Variants in OR11A1 observed in about 807,000 individuals in gnomAD.
The protein encoded by OR11A1 is olfactory receptor 11A1.
For synonymous variants in OR11A1, 158 were observed against 152.2 expected (o/e 1.04, Z -0.28); for missense variants, 380 against 378.2 (o/e 1.00, Z -0.04).
At chr6:29,440,205 A>G (rs1412672794) in intron 1 of OR11A1, 1 of 1,612,990 alleles carries the variant, frequency 6.2e-7, no homozygotes, top group African/African-American at 1.3e-5. Context: ...CTTCCTGCGC[A>G]CCCTCTCGGC....
At chr6:29,441,452 G>A (rs1386541210) in intron 1 of OR11A1, among the ~76,000 whole-genome samples, 1 of 152,158 alleles carries the variant, frequency 6.6e-6, no homozygotes, top group Admixed American at 6.5e-5. Context: ...TTTCAATGAA[G>A]GTAAGTTCTT....
intron 1 of OR11A1, among the ~76,000 whole-genome samples, chr6:29,451,629 A>G (rs1279509685): frequency 6.6e-6 from 1 of 152,060 alleles, no homozygotes; most frequent in Non-Finnish European, 1.5e-5. Flanking sequence ...AGTGAAAACC[A>G]CAGTGAGATA....
At chr6:29,440,276 C>G in intron 1 of OR11A1, 1 of 1,614,026 alleles carries the variant, frequency 6.2e-7, no homozygotes. Context: ...TCCTTACTGG[C>G]CGGCGCCACA....
At chr6:29,449,605 C>A (rs1785125070) in intron 1 of OR11A1, among the ~76,000 whole-genome samples, 1 of 152,128 alleles carries the variant, frequency 6.6e-6, no homozygotes, top group African/African-American at 2.4e-5. Context: ...CCTTCGAATA[C>A]ACCCACCCAC....
chr6:29,433,956 AT>A lies in OR11A1; in HGVS notation c.-388-1970del, dbSNP rs1270813896. The stretch of plus-strand genomic sequence containing the variant: ...GCATTTTTTCTTGTACCTGTTTGTC[AT>A]TTGTACGTCTTCTTTTGAGAAATGT... On this transcript the variant is annotated intron_variant, in intron 1 of 4. Coordinates refer to ENST00000377149, the MANE Select transcript of OR11A1 (RefSeq NM_001394828.1). Among the ~76,000 whole-genome samples the A allele has an allele frequency of 2.4e-4, 37 of 151,986 alleles. 1 individual carries two copies. The highest frequency in any genetic ancestry group is 8.7e-4 in the African/African-American group (36 of 41,392).
intron 1 of OR11A1, among the ~76,000 whole-genome samples, chr6:29,434,858 A>T (rs758203261): frequency 3.9e-5 from 6 of 152,238 alleles, no homozygotes; most frequent in Non-Finnish European, 7.3e-5. Flanking sequence ...CATGAAAAAT[A>T]CATTTCTACC....
chr6:29,448,676 G>A (rs886878493), intron 1 of OR11A1, among the ~76,000 whole-genome samples: 3 of 152,166 alleles, frequency 2.0e-5, no homozygotes, highest in African/African-American at 7.2e-5. Context: ...CTCCTCTAAT[G>A]AATTCTTATT....
intron 1 of OR11A1, chr6:29,439,456 A>T (rs1242506646): frequency 6.5e-6 from 1 of 152,950 alleles, no homozygotes; most frequent in Non-Finnish European, 1.5e-5. Context: ...CTCCTCCTTG[A>T]ACACTGTGAA....
At chr6:29,436,439 GT>G (rs1195605105) in intron 1 of OR11A1, among the ~76,000 whole-genome samples, 1 of 152,160 alleles carries the variant, frequency 6.6e-6, no homozygotes, top group African/African-American at 2.4e-5. Flanking sequence ...TCAGGCATGT[GT>G]TATAGGGCTG....
rs1782913285 is a variant in OR11A1, at chr6:29,427,459, C to T, written c.183G>A (p.Met61Ile). 1 of 1,613,082 alleles carries T rather than the reference C, an allele frequency of 6.2e-7. No individual in the cohort carries two copies. Among genetic ancestry groups the T allele is most frequent in the Non-Finnish European group, 8.5e-7 (1 of 1,180,042 alleles). Residue 61 changes from methionine to isoleucine, a missense_variant, in exon 5 of 5, where the codon ATG (methionine) becomes ATA (isoleucine). Physicochemically the swap from Met to Ile is conservative, Grantham distance 10 (BLOSUM62 1). Coordinates refer to ENST00000377149, the MANE Select transcript of OR11A1 (RefSeq NM_001394828.1). The part of the protein sequence containing the change: ...VVSSQRLHKP[M>I]YIFLANLSFL... ...AGGACAGATTCGCCAAGAAAATATACATGGGTTTGTGGAGCCTCTGGGAGC... is the reference window on the plus strand; with the variant it reads ...AGGACAGATTCGCCAAGAAAATATATATGGGTTTGTGGAGCCTCTGGGAGC...
chr6:29,441,489 A>C lies in OR11A1; in HGVS notation c.-388-9502T>G, dbSNP rs565923250. Among the ~76,000 whole-genome samples, 6 of 152,354 alleles carry C rather than the reference A, an allele frequency of 3.9e-5. No homozygotes were observed. The South Asian group carries it at 6.2e-4, about 16-fold the overall frequency. On this transcript the variant is annotated intron_variant, in intron 1 of 4. Coordinates refer to ENST00000377149, the MANE Select transcript of OR11A1 (RefSeq NM_001394828.1). ...TGGAAATTCATATGCCGCAGAGGTT[A>C]AGAGAACAGATTCTGATGTCAGACA...
intron 3 of OR11A1, among the ~76,000 whole-genome samples, 196 bp from the exon 4 acceptor site, chr6:29,429,156 A>G (rs1244532020): frequency 2.0e-5 from 3 of 152,328 alleles, no homozygotes; most frequent in Admixed American, 6.5e-5. Flanking sequence ...ATAGTCTAGA[A>G]CATCAGTTTC....
chr6:29,433,043 C>T (rs1487762597), intron 1 of OR11A1, among the ~76,000 whole-genome samples: 2 of 152,036 alleles, frequency 1.3e-5, no homozygotes, highest in Admixed American at 1.3e-4. Context: ...AGTTAGCCTA[C>T]ATTATTATGA....
chr6:29,454,629 C>A (rs930086731), intron 1 of OR11A1, among the ~76,000 whole-genome samples: 1 of 152,124 alleles, frequency 6.6e-6, no homozygotes, highest in African/African-American at 2.4e-5. Context: ...CAATTTAAAT[C>A]ATATGCCTTC....
At chr6:29,454,835 G>A (rs1293546306) in intron 1 of OR11A1, among the ~76,000 whole-genome samples, 1 of 152,000 alleles carries the variant, frequency 6.6e-6, no homozygotes, top group Non-Finnish European at 1.5e-5. Flanking sequence ...AATGGTACTG[G>A]AGGAACCAGA....
chr6:29,456,618 A>G (rs1786333539), intron 1 of OR11A1, among the ~76,000 whole-genome samples: 1 of 152,212 alleles, frequency 6.6e-6, no homozygotes, highest in Admixed American at 6.5e-5. Flanking sequence ...ATAGGTTTTG[A>G]CCAAAGAGAA....
chr6:29,438,972 A>C (rs975664220), intron 1 of OR11A1, among the ~76,000 whole-genome samples: 3 of 152,244 alleles, frequency 2.0e-5, no homozygotes, highest in Non-Finnish European at 4.4e-5. Context: ...CTTCAACTGC[A>C]AAAGGATATC....
In OR11A1 at chr6:29,425,750, T is replaced by G. The variant is rs1782752168; in HGVS notation, c.*944A>C. The G allele has an allele frequency of 6.6e-6, 1 of 152,200 alleles. No homozygotes were observed. Among genetic ancestry groups the G allele is most frequent in the Non-Finnish European group, 1.5e-5 (1 of 68,030 alleles). 9.4% of individuals were successfully genotyped at this position (152,200 alleles called of 1,614,324 possible). A position where few individuals can be genotyped will look rare whatever the true frequency, so the allele number is the denominator to read the frequency against. On this transcript the variant is annotated 3_prime_UTR_variant, in exon 5 of 5. Coordinates refer to ENST00000377149, the MANE Select transcript of OR11A1 (RefSeq NM_001394828.1). ...TGGGGGTTCACTGTGCTCTTCTCTT[T>G]TATGTATGTTTGAAATGTTCTACAA...
In OR11A1 at chr6:29,427,000, C is replaced by A. The variant is rs1782866181; in HGVS notation, c.642G>T (p.Leu214=). 1 of 1,612,708 alleles carries A rather than the reference C, an allele frequency of 6.2e-7. No individual in the cohort carries two copies. The highest frequency in any genetic ancestry group is 8.5e-7 in the Non-Finnish European group (1 of 1,180,030). Reference sequence around the variant, plus strand: ...CAATTCTGGCATAAGATGTCAGAATCAGTCCAAAAGGAATAGTGAGGCAGA... The same window carrying A: ...CAATTCTGGCATAAGATGTCAGAATAAGTCCAAAAGGAATAGTGAGGCAGA... ...SVFCLTIPFG[L]ILTSYARIVV... Residue 214 remains leucine, a synonymous_variant, in exon 5 of 5, where the codon CTG becomes CTT. Coordinates refer to ENST00000377149, the MANE Select transcript of OR11A1 (RefSeq NM_001394828.1).
Sources: allele counts gnomAD v4.1 joint callset (sites outside exome capture counted in the v4.1 genomes callset), GRCh38; gene constraint gnomAD v4.1.1; transcripts MANE v1.5; gene names NCBI Gene and HGNC (gene_info 2026-07-23, HGNC 2026-07-21).